The following OSBPL10 variants were observed in gnomAD, a reference collection of about 807,000 sequenced individuals.
OSBPL10 encodes the protein oxysterol binding protein like 10, also known as oxysterol-binding protein-related protein 10.
OSBPL10 carries 49 observed loss-of-function variants against 81.7 expected under a neutral mutation model. That is an observed-to-expected ratio of 0.60 (90% CI 0.48 to 0.76). The LOEUF (loss-of-function observed/expected upper bound fraction) is 0.76, where lower values mean the gene tolerates loss of function less well. Ranked by LOEUF, OSBPL10 falls within the 30% of genes least tolerant of loss-of-function variation. The pLI is 0.00. For synonymous variants in OSBPL10, 419 were observed against 383.6 expected, an observed-to-expected ratio of 1.09 and a Z score of -1.08; for missense variants, 923 against 987.8, an observed-to-expected ratio of 0.93 and a Z score of 0.88.
intron 1 of OSBPL10, among the ~76,000 whole-genome samples, chr3:31,964,511 C>T (rs977402380): frequency 2.0e-5 from 3 of 152,226 alleles, no homozygotes; most frequent in Admixed American, 2.0e-4. Context: ...TCATCAGCAT[C>T]CATCCACTCA....
intron 5 of OSBPL10, among the ~76,000 whole-genome samples, chr3:31,741,266 C>CTT (rs1160200828): frequency 6.6e-6 from 1 of 152,230 alleles, no homozygotes; most frequent in East Asian, 1.9e-4. Context: ...TAACTGTTTT[C>CTT]TTTTATTTTT....
rs1359283172 is a variant in OSBPL10 at position 31,670,883 on chromosome 3, T to C, written c.1827A>G (p.Gly609=). ...ILTIPWVELG[G]KVSINCAKTG... ...TCTTGGCACAGTTGATGCTGACTTTTCCTCCGAGCTCCACCCACGGGATGG... is the reference window on the plus strand; with the variant it reads ...TCTTGGCACAGTTGATGCTGACTTTCCCTCCGAGCTCCACCCACGGGATGG... Residue 609 remains glycine (G), a synonymous_variant, in exon 9 of 12, where the codon GGA becomes GGG. Transcript: ENST00000396556. 1 of 1,613,964 alleles carries C rather than the reference T, an allele frequency of 6.2e-7. No homozygotes were observed. The highest frequency in any genetic ancestry group is 8.5e-7 in the Non-Finnish European group (1 of 1,180,018).
At chr3:31,738,984 C>G (rs987566071) in intron 5 of OSBPL10, among the ~76,000 whole-genome samples, 1 of 151,998 alleles carries the variant, frequency 6.6e-6, no homozygotes, top group Non-Finnish European at 1.5e-5. Context: ...GGACTACAGT[C>G]AGGCAAGTAA....
intron 1 of OSBPL10, among the ~76,000 whole-genome samples, chr3:31,894,679 G>C (rs375489135): frequency 6.6e-6 from 1 of 152,290 alleles, no homozygotes; most frequent in East Asian, 1.9e-4. Context: ...GGGAGGAGTG[G>C]AAACATTATT....
At chr3:31,926,181 C>T (rs374787446) in intron 1 of OSBPL10, among the ~76,000 whole-genome samples, 4 of 151,712 alleles carry the variant, frequency 2.6e-5, no homozygotes, top group African/African-American at 7.3e-5. Context: ...ATCAATTGTG[C>T]TCAACAAATG....
At chr3:32,041,599 C>T (rs1025078824) in intron 2 of OSBPL10, among the ~76,000 whole-genome samples, 5 of 152,140 alleles carry the variant, frequency 3.3e-5, no homozygotes, top group African/African-American at 1.2e-4. Flanking sequence ...TGATGCCTCT[C>T]TTGTGGAAGT....
At chr3:32,026,073 AG>A (rs1267976623) in intron 2 of OSBPL10, among the ~76,000 whole-genome samples, 1 of 102,506 alleles carries the variant, frequency 9.8e-6, no homozygotes, top group African/African-American at 3.1e-5. Context: ...ATAGATAGAT[AG>A]ATAGATAGAT....
intron 6 of OSBPL10, chr3:31,714,976 A>T (rs1182139406): frequency 9.6e-6 from 1 of 103,830 alleles, no homozygotes; most frequent in Non-Finnish European, 1.8e-5. Flanking sequence ...GGCTGTGTCA[A>T]AAAAAAAAAA....
intron 3 of OSBPL10, among the ~76,000 whole-genome samples, chr3:31,846,345 C>T (rs930667057): frequency 1.3e-5 from 2 of 152,100 alleles, no homozygotes; most frequent in Non-Finnish European, 2.9e-5. Flanking sequence ...CTACTGGGGC[C>T]GGGCGAGGTG....
intron 4 of OSBPL10, among the ~76,000 whole-genome samples, chr3:31,780,549 G>C (rs1698665074): frequency 6.6e-6 from 1 of 150,772 alleles, no homozygotes; most frequent in Non-Finnish European, 1.5e-5. Flanking sequence ...AAACAAAATT[G>C]ATAGACCAGT....
At chr3:31,744,367 C>T (rs1364919612) in intron 5 of OSBPL10, among the ~76,000 whole-genome samples, 1 of 151,860 alleles carries the variant, frequency 6.6e-6, no homozygotes, top group Non-Finnish European at 1.5e-5. Flanking sequence ...ATGGAGAAAT[C>T]CGGTCCTTAC....
At chr3:31,976,993 T>G (rs994672220) in intron 1 of OSBPL10, among the ~76,000 whole-genome samples, 1 of 152,166 alleles carries the variant, frequency 6.6e-6, no homozygotes, top group Admixed American at 6.5e-5. Flanking sequence ...AACTCCAAAA[T>G]AGCTCCATTT....
At chr3:31,787,792 T>C (rs1323479701) in intron 4 of OSBPL10, among the ~76,000 whole-genome samples, 2 of 152,124 alleles carry the variant, frequency 1.3e-5, no homozygotes, top group Non-Finnish European at 2.9e-5. Context: ...ACATGCCTTC[T>C]AGGTGCAGTT....
At chr3:31,733,827 G>T (rs974682238) in intron 5 of OSBPL10, among the ~76,000 whole-genome samples, 2 of 150,780 alleles carry the variant, frequency 1.3e-5, no homozygotes, top group East Asian at 2.0e-4. Context: ...TGGCTAACAC[G>T]GTGAAACTCC....
At chr3:31,668,867 A>G (rs1241530460) in intron 9 of OSBPL10, 43 bp from the exon 10 acceptor site, 1 of 1,465,098 alleles carries the variant, frequency 6.8e-7, no homozygotes, top group Non-Finnish European at 9.1e-7. Context: ...TCAAAATGAT[A>G]AAAACAGAGA....
chr3:31,900,384 G>T (rs1696200391), intron 1 of OSBPL10, among the ~76,000 whole-genome samples: 1 of 151,884 alleles, frequency 6.6e-6, no homozygotes, highest in African/African-American at 2.4e-5. Context: ...TTCTTGTTCT[G>T]CAGCCCTGTT....
intron 1 of OSBPL10, among the ~76,000 whole-genome samples, chr3:31,881,712 A>G (rs1322443244): frequency 1.3e-5 from 2 of 152,202 alleles, no homozygotes; most frequent in Admixed American, 1.3e-4. Flanking sequence ...ATAGCTACTG[A>G]GTTGTTTAGA....
At chr3:31,810,797 G>A (rs1699661152) in intron 4 of OSBPL10, among the ~76,000 whole-genome samples, 1 of 152,170 alleles carries the variant, frequency 6.6e-6, no homozygotes, top group African/African-American at 2.4e-5. Context: ...AGTCCACAGG[G>A]TGTAAGGAAA....
At chr3:31,859,378 C>G (rs900697622) in intron 3 of OSBPL10, among the ~76,000 whole-genome samples, 4 of 152,216 alleles carry the variant, frequency 2.6e-5, no homozygotes, top group African/African-American at 7.2e-5. Context: ...CGCCCCTTCC[C>G]TTATACCTCA....
Sources: gnomAD v4.1 joint callset for allele counts (sites outside exome capture counted in the v4.1 genomes callset) on GRCh38, gnomAD v4.1.1 for gene constraint, MANE v1.5 for transcripts, NCBI Gene and HGNC (gene_info 2026-07-23, HGNC 2026-07-21) for gene names.